NFE2: variants seen among roughly 807,000 people sequenced by gnomAD.
The protein encoded by NFE2 is transcription factor NF-E2 45 kDa subunit.
Under a neutral mutation model 25.8 loss-of-function variants are expected in NFE2, and 13 were observed. The ratio of observed to expected loss-of-function variants is 0.50; its 90% CI spans 0.33 to 0.80. The LOEUF is 0.80. NFE2 is among the 30% of genes least tolerant of loss of function. The pLI is 0.02. For synonymous variants in NFE2, 204 were observed against 200.2 expected, an observed-to-expected ratio of 1.02 and a Z score of -0.16; for missense variants, 382 against 478.9, an observed-to-expected ratio of 0.80 and a Z score of 1.89.
At chr12:54,297,502 T>G (rs966692687) in intron 1 of NFE2, among the ~76,000 whole-genome samples, 1 of 148,720 alleles carries the variant, frequency 6.7e-6, no homozygotes, top group African/African-American at 2.5e-5. Flanking sequence ...CCATCTCTAC[T>G]AAAAATACAA....
intron 1 of NFE2, among the ~76,000 whole-genome samples, chr12:54,296,419 A>G (rs1275587915): frequency 6.6e-6 from 1 of 151,972 alleles, no homozygotes; most frequent in Non-Finnish European, 1.5e-5. Flanking sequence ...CAAAAAAAAA[A>G]AAAAAAAAAA....
At chr12:54,296,382 C>A (rs1392964070) in intron 1 of NFE2, among the ~76,000 whole-genome samples, 1 of 146,226 alleles carries the variant, frequency 6.8e-6, no homozygotes, top group Non-Finnish European at 1.5e-5. Flanking sequence ...TGCACTCCAG[C>A]CTGGCTGACA....
chr12:54,293,445 G>C, intron 2 of NFE2, 64 bp from the exon 3 acceptor site: 1 of 1,374,832 alleles, frequency 7.3e-7, no homozygotes, highest in Non-Finnish European at 9.5e-7. Context: ...CACTCTCTCA[G>C]GAACAAGCTG....
chr12:54,297,356 C>CA (rs35611028), intron 1 of NFE2, among the ~76,000 whole-genome samples: 1,145 of 49,470 alleles, frequency 0.023, 19 homozygotes, highest in African/African-American at 0.049. Context: ...GACCCTGTCT[C>CA]AAAAAAAAAA....
chr12:54,298,010 C>T (rs1176478930), intron 1 of NFE2: 2 of 152,170 alleles, frequency 1.3e-5, no homozygotes, highest in African/African-American at 4.8e-5. Flanking sequence ...CCCTCCTCCA[C>T]CCAGGTTCTG....
intron 1 of NFE2, among the ~76,000 whole-genome samples, chr12:54,300,547 G>A (rs1944414234): frequency 6.6e-6 from 1 of 152,000 alleles, no homozygotes; most frequent in South Asian, 2.1e-4. Context: ...CTTGCCTCTG[G>A]AGACCCCTCT....
At chr12:54,293,502 G>T in intron 2 of NFE2, 121 bp from the exon 3 acceptor site, 1 of 1,156,764 alleles carries the variant, frequency 8.6e-7, no homozygotes, top group Non-Finnish European at 1.2e-6. Context: ...AAACAAAGTT[G>T]CCACAAATCA....
chr12:54,300,516 T>G (rs1944413820), intron 1 of NFE2, among the ~76,000 whole-genome samples: 1 of 152,016 alleles, frequency 6.6e-6, no homozygotes, highest in Admixed American at 6.6e-5. Context: ...TCCTGGCTAC[T>G]CCCCAGCCCC....
At chr12:54,297,114 G>A (rs925115166) in intron 1 of NFE2, among the ~76,000 whole-genome samples, 1 of 151,992 alleles carries the variant, frequency 6.6e-6, no homozygotes, top group Non-Finnish European at 1.5e-5. Flanking sequence ...AAGCACTTTG[G>A]GAGGCCAAGG....
chr12:54,296,037 C>A (rs1395240400), intron 1 of NFE2, among the ~76,000 whole-genome samples: 2 of 152,210 alleles, frequency 1.3e-5, no homozygotes, highest in African/African-American at 4.8e-5. Context: ...CTTTCCTCTT[C>A]TGAGGTAATA....
In NFE2 at chr12:54,293,756, G is replaced by A. The variant is rs544463481; in HGVS notation, c.115-375C>T. On this transcript the variant is annotated intron_variant, in intron 2 of 2. Transcript: ENST00000435572. ...CCCAGCTACTTGGGAGGCTGAGGCA[G>A]GAGAACTGCTTGAACCCCGGAGGTG... Among the ~76,000 whole-genome samples, 34 of 152,306 alleles carry A rather than the reference G, an allele frequency of 2.2e-4. 2 individuals are homozygous for A. Among genetic ancestry groups the A allele is most frequent in the Admixed American group, 2.0e-3 (30 of 15,302 alleles).
chr12:54,300,007 C>T (rs1043390744), intron 1 of NFE2: 2 of 152,138 alleles, frequency 1.3e-5, no homozygotes, highest in South Asian at 4.1e-4. Flanking sequence ...GCCCTAGGGA[C>T]ATGCATGACT....
intron 1 of NFE2, chr12:54,295,735 C>G (rs2137057957): frequency 6.1e-6 from 1 of 162,884 alleles, no homozygotes; most frequent in East Asian, 1.9e-4. Flanking sequence ...TCAGCCTTTT[C>G]TTTCCAAGAT....
Position 54,292,307 on chromosome 12 carries a change from T to G in NFE2, c.*67A>C. ...CTCAGCTCCTTCTGGGACTCAGGGT[T>G]GGGGAGTACCTTTATCAGAAGGGAA... On this transcript the variant is annotated 3_prime_UTR_variant, in exon 3 of 3. Coordinates refer to ENST00000435572, the MANE Select transcript of NFE2 (RefSeq NM_001136023.3). The G allele has an allele frequency of 1.3e-6, 2 of 1,528,044 alleles. No homozygotes were observed. The highest frequency in any genetic ancestry group is 1.8e-6 in the Non-Finnish European group (2 of 1,119,480). 94.7% of individuals were successfully genotyped at this position (1,528,044 alleles called of 1,614,324 possible).
At position 54,292,629 on chromosome 12, in the gene NFE2, T is replaced by C; in HGVS notation, c.867A>G (p.Glu289=). 6.2e-7 allele frequency: 1 copy of C among 1,614,184 alleles called. No homozygotes were observed. The highest frequency in any genetic ancestry group is 8.5e-7 in the Non-Finnish European group (1 of 1,180,026). The change falls in exon 3 of 3, where the codon GAA becomes GAG. Residue 289 remains glutamate, a synonymous_variant. Transcript: ENST00000435572. ...GCTCCCGCTCCAGCTGCACAATGGT[T>C]TCCAGCTTCCTCTTGCGGCAGTTCT... The part of the protein sequence containing the change: ...AAQNCRKRKL[E]TIVQLERELE...
chr12:54,294,233 G>A (rs1399570874), intron 2 of NFE2, among the ~76,000 whole-genome samples: 6 of 140,698 alleles, frequency 4.3e-5, no homozygotes, highest in South Asian at 2.2e-4. Flanking sequence ...GCGAGACACC[G>A]TCTCAAAAAA....
intron 1 of NFE2, among the ~76,000 whole-genome samples, chr12:54,296,122 T>A (rs1944369547): frequency 6.6e-6 from 1 of 152,144 alleles, no homozygotes. Context: ...TAAGATTGGT[T>A]TTCATCGGGC....
In NFE2 at chr12:54,293,185, A is replaced by T. The variant is rs1944335487; in HGVS notation, c.311T>A (p.Ile104Lys). ...DPPYSYGNMA[I>K]PVSKPLSLSG... ...GAGGCTCAGTGGCTTGGAGACTGGT[A>T]TGGCCATGTTGCCATAGGAGTATGG... The change falls in exon 3 of 3, where the codon ATA becomes AAA. Residue 104 changes from isoleucine to lysine, a missense_variant. By Grantham distance (102) the Ile-to-Lys change is moderately radical. Transcript: ENST00000435572. 2 of 1,573,860 alleles carry T rather than the reference A, an allele frequency of 1.3e-6. No homozygotes were observed. The highest frequency in any genetic ancestry group is 8.6e-7 in the Non-Finnish European group (1 of 1,157,602).
At chr12:54,298,188 A>T (rs565529779) in intron 1 of NFE2, among the ~76,000 whole-genome samples, 1 of 152,272 alleles carries the variant, frequency 6.6e-6, no homozygotes, top group African/African-American at 2.4e-5. Flanking sequence ...CTAGGAGGCC[A>T]GAGACCTAGG....
Sources: gnomAD v4.1 joint callset for allele counts (sites outside exome capture counted in the v4.1 genomes callset) on GRCh38, gnomAD v4.1.1 for gene constraint, MANE v1.5 for transcripts, NCBI Gene and HGNC (gene_info 2026-07-23, HGNC 2026-07-21) for gene names.